VPS13B: variants seen among roughly 807,000 people sequenced by gnomAD.
The protein encoded by VPS13B is vacuolar protein sorting 13 homolog B.
Under a neutral mutation model 426.4 loss-of-function variants are expected in VPS13B, and 285 were observed. That is an observed-to-expected ratio of 0.67 (90% CI 0.61 to 0.74). The LOEUF (loss-of-function observed/expected upper bound fraction) is 0.74. Among genes scored for constraint, VPS13B ranks in the 30% least tolerant of loss-of-function variants. The pLI is 0.00. For synonymous variants in VPS13B, 1,676 were observed against 1,676.4 expected (o/e 1.00, Z 0.01); for missense variants, 4,537 against 4,782.6 (o/e 0.95, Z 1.51).
chr8:99,832,925 A>T (rs781106014), intron 52 of VPS13B, among the ~76,000 whole-genome samples: 9 of 152,238 alleles, frequency 5.9e-5, no homozygotes, highest in Non-Finnish European at 8.8e-5. Context: ...ATATGAAAAG[A>T]TCATATGTAT....
At chr8:99,050,686 C>G (rs1312525337) in intron 3 of VPS13B, among the ~76,000 whole-genome samples, 1 of 152,312 alleles carries the variant, frequency 6.6e-6, no homozygotes, top group African/African-American at 2.4e-5. Flanking sequence ...CACATCCTCT[C>G]CAGCACCTGT....
chr8:99,447,762 T>A (rs774495037), intron 23 of VPS13B, among the ~76,000 whole-genome samples: 4 of 152,262 alleles, frequency 2.6e-5, no homozygotes, highest in Non-Finnish European at 5.9e-5. Context: ...TAAAATACAG[T>A]ATAGTCATTT....
In VPS13B at chr8:99,467,527, G is replaced by A. The variant is rs151247807; in HGVS notation, c.3559G>A (p.Val1187Ile). The A allele has an allele frequency of 1.7e-5, 27 of 1,613,612 alleles. No individual in the cohort carries two copies. In the African/African-American group the frequency reaches 3.5e-4, roughly 21 times the overall value. Residue 1187 changes from valine to isoleucine, a missense_variant, in exon 24 of 62, where the codon GTC becomes ATC. Val to Ile is a conservative substitution (Grantham distance 29, BLOSUM62 3). Coordinates refer to ENST00000357162, the MANE Select transcript of VPS13B (RefSeq NM_152564.5). ...TATGGGTTGCACCTCCACTCTAGCT[G>A]TCACGTCTCAAAAACTGCTTGCTAC... ...EPMGCTSTLA[V>I]TSQKLLATGP...
At chr8:99,032,743 T>C (rs1349288895) in intron 2 of VPS13B, among the ~76,000 whole-genome samples, 1 of 151,310 alleles carries the variant, frequency 6.6e-6, no homozygotes, top group African/African-American at 2.4e-5. Flanking sequence ...GGTTTTACGA[T>C]GTTAGCCAGG....
chr8:99,112,220 A>G (rs1847403215), intron 6 of VPS13B, among the ~76,000 whole-genome samples: 1 of 152,136 alleles, frequency 6.6e-6, no homozygotes, highest in Admixed American at 6.6e-5. Flanking sequence ...TGATCCCATT[A>G]AGTAGGTTTT....
chr8:99,353,558 T>C (rs1366502030), intron 19 of VPS13B, among the ~76,000 whole-genome samples: 2 of 151,840 alleles, frequency 1.3e-5, no homozygotes, highest in African/African-American at 4.8e-5. Flanking sequence ...ATTGAAGTGC[T>C]TATTTGAGGA....
At chr8:99,159,940 G>A (rs182434321) in intron 15 of VPS13B, among the ~76,000 whole-genome samples, 159 of 151,784 alleles carry the variant, frequency 1.0e-3, no homozygotes, top group African/African-American at 3.7e-3. Flanking sequence ...TTACAGGTGT[G>A]AACCACTGTG....
At chr8:99,270,479 G>C (rs1473588185) in intron 17 of VPS13B, among the ~76,000 whole-genome samples, 1 of 151,884 alleles carries the variant, frequency 6.6e-6, no homozygotes, top group African/African-American at 2.4e-5. Flanking sequence ...CTTATGATAA[G>C]AGTCTTATAT....
Position 99,146,316 on chromosome 8 carries a change from C to T in VPS13B, c.1844-1525C>T, listed in dbSNP as rs529283980. On this transcript the variant is annotated intron_variant, in intron 13 of 61. Transcript: ENST00000357162. ...CTTTCTTTATTGAACTGGTTTTTTACCTTTGTAAAAAATCAATTGAGCATA... is the reference window on the plus strand; with the variant it reads ...CTTTCTTTATTGAACTGGTTTTTTATCTTTGTAAAAAATCAATTGAGCATA... Among the ~76,000 whole-genome samples the T allele has an allele frequency of 2.6e-5, 4 of 152,114 alleles. No individual in the cohort carries two copies. In the South Asian group the frequency reaches 8.3e-4, roughly 32 times the overall value.
chr8:99,779,770 C>T (rs188634918), intron 42 of VPS13B, among the ~76,000 whole-genome samples: 1 of 152,288 alleles, frequency 6.6e-6, no homozygotes, highest in Non-Finnish European at 1.5e-5. Context: ...GAACAAATCA[C>T]TTCTGCTTCC....
At chr8:99,264,055 A>C (rs931470950) in intron 17 of VPS13B, among the ~76,000 whole-genome samples, 1 of 152,066 alleles carries the variant, frequency 6.6e-6, no homozygotes, top group Non-Finnish European at 1.5e-5. Flanking sequence ...TGGAGTTAAT[A>C]ACTGTCTTGG....
chr8:99,320,603 G>A (rs537557537), intron 19 of VPS13B, among the ~76,000 whole-genome samples: 29 of 152,272 alleles, frequency 1.9e-4, no homozygotes, highest in South Asian at 6.2e-4. Context: ...GAAAATGTTA[G>A]AAGGGACCCC....
At chr8:99,389,992 T>G (rs1814335114) in intron 20 of VPS13B, among the ~76,000 whole-genome samples, 1 of 152,174 alleles carries the variant, frequency 6.6e-6, no homozygotes, top group Non-Finnish European at 1.5e-5. Context: ...TAAAAATGGT[T>G]TCCAATTTAG....
intron 19 of VPS13B, among the ~76,000 whole-genome samples, chr8:99,383,425 G>A (rs531249379): frequency 6.6e-6 from 1 of 151,786 alleles, no homozygotes; most frequent in East Asian, 1.9e-4. Context: ...ATTGTTCTTT[G>A]CCTAAAAAGT....
At chr8:99,830,461 G>A (rs1487801196) in intron 51 of VPS13B, among the ~76,000 whole-genome samples, 1 of 152,130 alleles carries the variant, frequency 6.6e-6, no homozygotes, top group Non-Finnish European at 1.5e-5. Context: ...CACCAAGCTG[G>A]AGCATCCCAA....
At chr8:99,339,228 C>A (rs1251198536) in intron 19 of VPS13B, among the ~76,000 whole-genome samples, 1 of 152,056 alleles carries the variant, frequency 6.6e-6, no homozygotes, top group Non-Finnish European at 1.5e-5. Flanking sequence ...GTCGTTCTTG[C>A]ATTGCTATAA....
chr8:99,156,322 T>G (rs1283953731), intron 14 of VPS13B, among the ~76,000 whole-genome samples: 1 of 152,208 alleles, frequency 6.6e-6, no homozygotes, highest in Non-Finnish European at 1.5e-5. Context: ...GAAAGGGCAA[T>G]GATAATTTTG....
intron 30 of VPS13B, among the ~76,000 whole-genome samples, chr8:99,540,003 TATAA>T (rs1430589368): frequency 3.1e-4 from 36 of 115,176 alleles, no homozygotes; most frequent in African/African-American, 1.1e-3. Context: ...TATATAAATA[TATAA>T]ATAAATTATA....
intron 33 of VPS13B, among the ~76,000 whole-genome samples, chr8:99,582,005 C>T (rs1469916735): frequency 1.3e-5 from 2 of 151,766 alleles, no homozygotes; most frequent in Non-Finnish European, 2.9e-5. Context: ...GAGAGTCAAC[C>T]TTTTGGATAC....
Sources: allele counts gnomAD v4.1 joint callset (sites outside exome capture counted in the v4.1 genomes callset), GRCh38; gene constraint gnomAD v4.1.1; transcripts MANE v1.5; gene names NCBI Gene and HGNC (gene_info 2026-07-23, HGNC 2026-07-21).